TNR: variants seen among roughly 807,000 people sequenced by gnomAD.
The protein encoded by TNR is tenascin-R.
A neutral mutation model predicts 150.4 loss-of-function variants in TNR; 45 were observed. The observed-to-expected ratio is 0.30, with a 90% CI of 0.24 to 0.38. The LOEUF (loss-of-function observed/expected upper bound fraction) is 0.38, where lower values mean the gene tolerates loss of function less well. TNR is among the 10% of genes least tolerant of loss of function. The pLI is 1.00. For synonymous variants in TNR, 687 were observed against 678.4 expected, an observed-to-expected ratio of 1.01 and a Z score of -0.20; for missense variants, 1,544 against 1,759.1, an observed-to-expected ratio of 0.88 and a Z score of 2.19.
At chr1:175,548,824 A>G (rs1660822392) in intron 1 of TNR, among the ~76,000 whole-genome samples, 1 of 152,152 alleles carries the variant, frequency 6.6e-6, no homozygotes, top group South Asian at 2.1e-4. Context: ...ATGACTGGCC[A>G]TTTATCTGCT....
chr1:175,467,098 T>G (rs1254398447), intron 2 of TNR, among the ~76,000 whole-genome samples: 1 of 152,064 alleles, frequency 6.6e-6, no homozygotes, highest in African/African-American at 2.4e-5. Context: ...ATTTATGACT[T>G]GGTTTTAATT....
intron 1 of TNR, among the ~76,000 whole-genome samples, chr1:175,681,666 C>A (rs983511431): frequency 6.6e-6 from 1 of 152,212 alleles, no homozygotes; most frequent in Admixed American, 6.5e-5. Flanking sequence ...TCCTCTGTAA[C>A]CACGTCTCCA....
intron 8 of TNR, among the ~76,000 whole-genome samples, chr1:175,380,313 C>T (rs1432686099): frequency 6.7e-6 from 1 of 149,140 alleles, no homozygotes; most frequent in African/African-American, 2.5e-5. Flanking sequence ...GTAATGGAAC[C>T]ATGAGCAAGT....
intron 9 of TNR, among the ~76,000 whole-genome samples, chr1:175,373,180 G>A (rs1205787847): frequency 1.3e-5 from 2 of 152,116 alleles, no homozygotes; most frequent in Non-Finnish European, 2.9e-5. Context: ...ATGGACATCT[G>A]GTGGCAGGGA....
rs569899028 is a variant in TNR at position 175,563,101 on chromosome 1, A to T, written c.-164-34732T>A. ...TTGGGTGCCCACAAATTTGTCTTGC[A>T]ATGAGTCCATGACATTGGCACGGGC... On this transcript the variant is annotated intron_variant, in intron 1 of 22. Transcript: ENST00000367674. 2.6e-5 allele frequency among the ~76,000 whole-genome samples: 4 copies of T among 152,356 alleles called. No homozygotes were observed. The East Asian group carries it at 7.7e-4, about 29-fold the overall frequency.
intron 2 of TNR, among the ~76,000 whole-genome samples, chr1:175,414,728 G>T (rs1654360739): frequency 6.6e-6 from 1 of 152,190 alleles, no homozygotes; most frequent in South Asian, 2.1e-4. Context: ...TGAAGCTTGT[G>T]TCCCACCTAA....
intron 1 of TNR, among the ~76,000 whole-genome samples, chr1:175,694,342 T>C (rs1666452122): frequency 6.6e-6 from 1 of 152,204 alleles, no homozygotes; most frequent in Non-Finnish European, 1.5e-5. Flanking sequence ...CCATTCAGTG[T>C]CTCTAGCCAG....
In TNR at chr1:175,396,533, A is replaced by G; in HGVS notation, c.1240+11T>C. 1.2e-6 allele frequency: 2 copies of G among 1,607,792 alleles called. No homozygotes were observed. Among genetic ancestry groups the G allele is most frequent in the African/African-American group, 2.7e-5 (2 of 74,928 alleles). On this transcript the variant is annotated intron_variant, in intron 5 of 22. Transcript: ENST00000367674. The stretch of plus-strand genomic sequence containing the variant: ...AAGAAAAATGAAGCAGGACGGGGAA[A>G]TGGTACGTACGGGTGGCCACCTTGG...
intron 2 of TNR, among the ~76,000 whole-genome samples, chr1:175,463,141 C>T (rs1171161888): frequency 1.3e-5 from 2 of 152,076 alleles, no homozygotes; most frequent in Non-Finnish European, 2.9e-5. Context: ...CTGTTTTTAC[C>T]CACAGAGAGC....
At chr1:175,363,944 T>C (rs1238575015) in intron 12 of TNR, 117 bp from the exon 13 acceptor site, 2 of 1,299,386 alleles carry the variant, frequency 1.5e-6, no homozygotes, top group African/African-American at 3.0e-5. Context: ...AGACAAGATC[T>C]TTCCATGTAA....
rs1557868014 is a variant in TNR, at chr1:175,331,074, T to TTTCTTTCC, written c.3632-840_3632-839insGGAAAGAA. On this transcript the variant is annotated intron_variant, in intron 20 of 22. Coordinates refer to ENST00000367674, the MANE Select transcript of TNR (RefSeq NM_003285.3). The stretch of plus-strand genomic sequence containing the variant: ...CTTTCTTTCTTTCTTTCTTTCTTTC[T>TTTCTTTCC]TTCCTTCTTTCTTTCTTTCTTTCTT... Among the ~76,000 whole-genome samples, 70 of 101,344 alleles carry TTTCTTTCC rather than the reference T, an allele frequency of 6.9e-4. 4 individuals are homozygous for TTTCTTTCC. The highest frequency in any genetic ancestry group is 2.7e-3 in the African/African-American group (64 of 23,600). The allele number at this position is 101,344 out of a possible 152,430, so 66.5% of individuals were successfully genotyped here.
intron 2 of TNR, among the ~76,000 whole-genome samples, chr1:175,501,179 A>G (rs1268629931): frequency 6.6e-6 from 1 of 152,204 alleles, no homozygotes; most frequent in African/African-American, 2.4e-5. Context: ...AGCCTGATCT[A>G]ATCATGTGAG....
chr1:175,408,803 T>C (rs563288439), intron 2 of TNR, among the ~76,000 whole-genome samples: 79 of 152,360 alleles, frequency 5.2e-4, no homozygotes, highest in African/African-American at 1.8e-3. Flanking sequence ...AGTGGAATAA[T>C]TGTTCCAGTT....
intron 1 of TNR, among the ~76,000 whole-genome samples, chr1:175,634,307 C>T (rs1664426275): frequency 2.0e-5 from 3 of 152,180 alleles, no homozygotes; most frequent in African/African-American, 7.2e-5. Context: ...CTGCCGCCTT[C>T]CCTCCATTTC....
intron 1 of TNR, among the ~76,000 whole-genome samples, chr1:175,735,140 C>G (rs1163358354): frequency 3.9e-5 from 6 of 152,208 alleles, no homozygotes; most frequent in Non-Finnish European, 7.3e-5. Context: ...TTCAACACAG[C>G]CATTTGCAGG....
chr1:175,681,487 T>C (rs776015087), intron 1 of TNR, among the ~76,000 whole-genome samples: 45 of 152,230 alleles, frequency 3.0e-4, no homozygotes, highest in Non-Finnish European at 4.4e-4. Context: ...GCTCCATCTA[T>C]AGGGAGGTGC....
chr1:175,323,948 A>G (rs1008826686), intron 22 of TNR, among the ~76,000 whole-genome samples: 2 of 152,204 alleles, frequency 1.3e-5, no homozygotes, highest in Non-Finnish European at 2.9e-5. Context: ...CTAGTTGGTC[A>G]TGGTGGTCTC....
intron 1 of TNR, among the ~76,000 whole-genome samples, chr1:175,725,453 C>A (rs1017592486): frequency 6.6e-6 from 1 of 152,214 alleles, no homozygotes; most frequent in Admixed American, 6.5e-5. Flanking sequence ...ACGACTTCCA[C>A]CACTTTAAAT....
intron 2 of TNR, among the ~76,000 whole-genome samples, chr1:175,524,545 G>T (rs1444496131): frequency 6.6e-6 from 1 of 152,132 alleles, no homozygotes; most frequent in Non-Finnish European, 1.5e-5. Flanking sequence ...TAGAGGAGAA[G>T]GGTAAGGAAG....
Sources: gnomAD v4.1 joint callset for allele counts (sites outside exome capture counted in the v4.1 genomes callset) on GRCh38, gnomAD v4.1.1 for gene constraint, MANE v1.5 for transcripts, NCBI Gene and HGNC (gene_info 2026-07-23, HGNC 2026-07-21) for gene names.